The following SLC6A19 variants were observed in gnomAD, a reference collection of about 807,000 sequenced individuals.
The protein encoded by SLC6A19 is sodium-dependent neutral amino acid transporter B(0)AT1.
In SLC6A19, 67 loss-of-function variants were observed where a neutral mutation model predicts 68.3. The observed-to-expected ratio is 0.98, with a 90% CI of 0.81 to 1.20. The LOEUF is 1.20. Ranked by LOEUF, SLC6A19 falls within the 50% of genes most tolerant of loss-of-function variation. SLC6A19 has a pLI of 0.00. For synonymous variants in SLC6A19, 392 were observed against 374.9 expected (o/e 1.05, Z -0.53); for missense variants, 813 against 851.6 (o/e 0.95, Z 0.56).
rs543065653 is a variant in SLC6A19 at position 1,219,933 on chromosome 5, G to A, written c.1538+269G>A. Among the ~76,000 whole-genome samples, 539 of 152,296 alleles carry A rather than the reference G, an allele frequency of 3.5e-3. 1 individual carries two copies. The highest frequency in any genetic ancestry group is 0.012 in the African/African-American group (508 of 41,554). ...GACCTTGGCGGTGCCCACGCAGAGA[G>A]CCAGAGCTCGAGGCCACTGCAGGGC... On this transcript the variant is annotated intron_variant, in intron 10 of 11. Transcript: ENST00000304460.
At chr5:1,221,664 C>T (rs1717355454) in intron 11 of SLC6A19, 37 bp from the exon 12 acceptor site, 3 of 1,612,124 alleles carry the variant, frequency 1.9e-6, no homozygotes, top group Non-Finnish European at 2.5e-6. Context: ...CCACTGGCTC[C>T]CGGGATGCCT....
Position 1,216,773 on chromosome 5 carries a change from T to C in SLC6A19, c.1017-16T>C. 1 of 1,613,756 alleles carries C rather than the reference T, an allele frequency of 6.2e-7. No homozygotes were observed. The highest frequency in any genetic ancestry group is 8.5e-7 in the Non-Finnish European group (1 of 1,180,038). On this transcript the variant is annotated splice_polypyrimidine_tract_variant and intron_variant, in intron 7 of 11. Transcript: ENST00000304460. ...CCCTGGCCCCAGGTGGCCGTCAGCC[T>C]CAATCTGACCCGCAGGAACATCCTG...
At chr5:1,202,278 G>C (rs963207890) in intron 1 of SLC6A19, among the ~76,000 whole-genome samples, 1 of 152,220 alleles carries the variant, frequency 6.6e-6, no homozygotes, top group Non-Finnish European at 1.5e-5. Context: ...GGAGGTAGCT[G>C]GGTTGGGGGC....
chr5:1,217,394 C>T (rs1211207059), intron 8 of SLC6A19, among the ~76,000 whole-genome samples: 1 of 152,272 alleles, frequency 6.6e-6, no homozygotes. Flanking sequence ...GGATACTCCA[C>T]GTAACGAGTG....
chr5:1,210,167 G>T (rs1745981925), intron 2 of SLC6A19, among the ~76,000 whole-genome samples: 1 of 152,276 alleles, frequency 6.6e-6, no homozygotes, highest in East Asian at 1.9e-4. Flanking sequence ...CATGCCTGGG[G>T]CAAGCCAGGC....
rs934847303 is a variant in SLC6A19, at chr5:1,201,756, G to T, written c.106G>T (p.Asp36Tyr). 32 of 1,612,714 alleles carry T rather than the reference G, an allele frequency of 2.0e-5. No individual in the cohort carries two copies. Among genetic ancestry groups the T allele is most frequent in the Admixed American group, 3.3e-5 (2 of 60,000 alleles). The change falls in exon 1 of 12, where the codon GAC (aspartate) becomes TAC (tyrosine). Residue 36 changes from aspartate to tyrosine, a missense_variant. Physicochemically the swap from Asp to Tyr is radical, Grantham distance 160 (BLOSUM62 -3). Coordinates refer to ENST00000304460, the MANE Select transcript of SLC6A19 (RefSeq NM_001003841.3). Reference protein sequence around the residue: ...QEEASSRPKWDNKAQYMLTCL... With the variant: ...QEEASSRPKWYNKAQYMLTCL... Reference sequence around the variant, plus strand: ...GGAGGCCAGCTCCCGGCCGAAGTGGGACAACAAGGCGCAGTACATGCTCAC... The same window carrying T: ...GGAGGCCAGCTCCCGGCCGAAGTGGTACAACAAGGCGCAGTACATGCTCAC...
Position 1,216,817 on chromosome 5 carries a change from G to T in SLC6A19, c.1045G>T (p.Asp349Tyr). The part of the protein sequence containing the change: ...TNILTLINGF[D>Y]LPEGNVTQEN... ...CATCCTGACCCTCATCAACGGGTTC[G>T]ACCTGCCTGAAGGCAACGTGACCCA... is the stretch of plus-strand genomic sequence containing the variant. The change falls in exon 8 of 12, where the codon GAC (aspartate) becomes TAC (tyrosine). Residue 349 changes from aspartate (D) to tyrosine (Y), a missense_variant. By Grantham distance (160) the Asp-to-Tyr change is radical. Transcript: ENST00000304460. 6.2e-7 allele frequency: 1 copy of T among 1,613,768 alleles called. No homozygotes were observed. Among genetic ancestry groups the T allele is most frequent in the Non-Finnish European group, 8.5e-7 (1 of 1,180,026 alleles).
rs1283091578 is a variant in SLC6A19 at position 1,201,850 on chromosome 5, G to A, written c.200G>A (p.Gly67Glu). Residue 67 changes from glycine (G) to glutamate (E), a missense_variant and splice_region_variant, in exon 1 of 12, where the codon GGA becomes GAA. Gly to Glu is a moderately conservative substitution (Grantham distance 98, BLOSUM62 -2). Coordinates refer to ENST00000304460, the MANE Select transcript of SLC6A19 (RefSeq NM_001003841.3). ...CCCTACCTGTGTCAGAGCCACGGAGGAGGTAGGCTGGCCGGGCGGGGCTGC... is the reference window on the plus strand; with the variant it reads ...CCCTACCTGTGTCAGAGCCACGGAGAAGGTAGGCTGGCCGGGCGGGGCTGC... ...RFPYLCQSHG[G>E]GAFMIPFLIL... 1.9e-6 allele frequency: 3 copies of A among 1,609,668 alleles called. No homozygotes were observed. The highest frequency in any genetic ancestry group is 2.5e-6 in the Non-Finnish European group (3 of 1,179,404).
At position 1,210,425 on chromosome 5, in the gene SLC6A19, A is replaced by G; in HGVS notation, c.344-19A>G. 1 of 1,612,214 alleles carries G rather than the reference A, an allele frequency of 6.2e-7. No individual in the cohort carries two copies. The highest frequency in any genetic ancestry group is 8.5e-7 in the Non-Finnish European group (1 of 1,179,908). On this transcript the variant is annotated intron_variant, in intron 2 of 11. Transcript: ENST00000304460. The stretch of plus-strand genomic sequence containing the variant: ...AGGGTGTGCCTCGGCCCCAAGCCTC[A>G]GCAGCAGCCTCCCTGCAGGCCTGGC...
rs1319482740 is a variant in SLC6A19, at chr5:1,219,647, C to T, written c.1521C>T (p.Tyr507=). Residue 507 remains tyrosine (Y), a synonymous_variant, in exon 10 of 12, where the codon TAC becomes TAT. Coordinates refer to ENST00000304460, the MANE Select transcript of SLC6A19 (RefSeq NM_001003841.3). ...TCTGCGAGATGTTCTCTGTGGTCTA[C>T]GTGTACGGTGTGGACAGGTAGGGGC... ...IAFCEMFSVV[Y]VYGVDRFNKD... is the part of the protein sequence containing the mutation. 1.9e-5 allele frequency: 31 copies of T among 1,606,178 alleles called. No individual in the cohort carries two copies. The highest frequency in any genetic ancestry group is 3.3e-4 in the Middle Eastern group (2 of 6,082).
In SLC6A19 at chr5:1,224,767, A is replaced by C. The variant is rs1249052538; in HGVS notation, c.*2863A>C. 2 of 152,474 alleles carry C rather than the reference A, an allele frequency of 1.3e-5. No individual in the cohort carries two copies. Among genetic ancestry groups the C allele is most frequent in the African/African-American group, 4.8e-5 (2 of 41,480 alleles). The allele number at this position is 152,474 out of a possible 1,614,324, so 9.4% of individuals were successfully genotyped here. A position where few individuals can be genotyped will look rare whatever the true frequency, so the allele number is the denominator to read the frequency against. On this transcript the variant is annotated 3_prime_UTR_variant, in exon 12 of 12. Coordinates refer to ENST00000304460, the MANE Select transcript of SLC6A19 (RefSeq NM_001003841.3). ...GAGCATCTGCAAGGAGGAGCCCCAGAGTCCAGGGAGCACTGTGGGGAGCTC... is the reference window on the plus strand; with the variant it reads ...GAGCATCTGCAAGGAGGAGCCCCAGCGTCCAGGGAGCACTGTGGGGAGCTC...
chr5:1,209,673 C>G lies in SLC6A19; in HGVS notation c.344-771C>G, dbSNP rs904092627. On this transcript the variant is annotated intron_variant, in intron 2 of 11. Transcript: ENST00000304460. This position sits in a 1 kb window ranked among gnomAD's most constrained non-coding sequence, Gnocchi z 5.5. ...TCCCCTCCTATTCTCTCCCTTCCCC[C>G]CTCTCTCTCATCCTCCTCCTCTCTC... 6.7e-6 allele frequency among the ~76,000 whole-genome samples: 1 copy of G among 149,450 alleles called. No homozygotes were observed. Among genetic ancestry groups the G allele is most frequent in the Admixed American group, 6.7e-5 (1 of 14,990 alleles).
In SLC6A19 at chr5:1,215,570, G is replaced by A. The variant is rs79017643; in HGVS notation, c.888-988G>A. On this transcript the variant is annotated intron_variant, in intron 6 of 11. Transcript: ENST00000304460. This position sits in a 1 kb window ranked among gnomAD's most constrained non-coding sequence, Gnocchi z 5.1. ...CCTCAAGGCTCATCCCATCACAGCC[G>A]GCGTCAGAGCGCCATTCCTGTTTAG... is the stretch of plus-strand genomic sequence containing the variant. Among the ~76,000 whole-genome samples, 159 of 152,360 alleles carry A rather than the reference G, an allele frequency of 1.0e-3. 1 individual carries two copies. In the East Asian group the frequency reaches 0.02, roughly 19 times the overall value.
chr5:1,210,257 G>A (rs557805927), intron 2 of SLC6A19, among the ~76,000 whole-genome samples, 187 bp from the exon 3 acceptor site: 7 of 152,350 alleles, frequency 4.6e-5, no homozygotes, highest in Non-Finnish European at 7.4e-5. Context: ...CCTGGAAGGC[G>A]TGTACAGGCT....
chr5:1,216,502 T>C, intron 6 of SLC6A19, 56 bp from the exon 7 acceptor site: 2 of 1,612,630 alleles, frequency 1.2e-6, no homozygotes, highest in East Asian at 2.2e-5. Context: ...TGCCCTGGGC[T>C]GTGTCCTGAC....
At position 1,212,479 on chromosome 5, in the gene SLC6A19, G is replaced by C. The variant is rs753844063; in HGVS notation, c.658G>C (p.Gly220Arg). 1.9e-6 allele frequency: 3 copies of C among 1,607,042 alleles called. No individual in the cohort carries two copies. Among genetic ancestry groups the C allele is most frequent in the Non-Finnish European group, 2.5e-6 (3 of 1,179,844 alleles). ...MCTIRGIETT[G>R]KAVYITSTLP... ...CACCATCCGCGGCATCGAGACCACC[G>C]GGAAGGTACTGCATGGGCCCGGCCA... Residue 220 changes from glycine (G) to arginine (R), a missense_variant, in exon 4 of 12, where the codon GGG (glycine) becomes CGG (arginine). Coordinates refer to ENST00000304460, the MANE Select transcript of SLC6A19 (RefSeq NM_001003841.3). The surrounding 1 kb of genome is among the most constrained non-coding windows in gnomAD (Gnocchi z 5.1).
chr5:1,219,335 A>G (rs1746298303), intron 9 of SLC6A19, among the ~76,000 whole-genome samples, 170 bp from the exon 10 acceptor site: 1 of 147,656 alleles, frequency 6.8e-6, no homozygotes, highest in Non-Finnish European at 1.5e-5. Context: ...CCGTGCGTGC[A>G]GCCGCCGGGC....
Position 1,225,018 on chromosome 5 carries a change from A to G in SLC6A19, c.*3114A>G, listed in dbSNP as rs568541315. On this transcript the variant is annotated 3_prime_UTR_variant, in exon 12 of 12. Transcript: ENST00000304460. ...GGAATCCGGGCTTCGGGTGCATGCG[A>G]TCTGATCTGAGTTGTTTCTGACAGT... is the stretch of plus-strand genomic sequence containing the variant. The G allele has an allele frequency of 1.5e-4, 24 of 157,128 alleles. No individual in the cohort carries two copies. The South Asian group carries it at 4.5e-3, about 30-fold the overall frequency. 9.7% of individuals were successfully genotyped at this position (157,128 alleles called of 1,614,324 possible). A position where few individuals can be genotyped will look rare whatever the true frequency, so the allele number is the denominator to read the frequency against.
At position 1,222,316 on chromosome 5, in the gene SLC6A19, G is replaced by A; in HGVS notation, c.*412G>A. On this transcript the variant is annotated 3_prime_UTR_variant, in exon 12 of 12. Transcript: ENST00000304460. ...GACATACATGCCTATGTTGTGTGTG[G>A]TGTGCATATGTGTGAACACACACGT... The A allele has an allele frequency of 3.8e-6, 2 of 524,098 alleles. No individual in the cohort carries two copies. Among genetic ancestry groups the A allele is most frequent in the African/African-American group, 1.9e-5 (1 of 53,162 alleles). The allele number at this position is 524,098 out of a possible 1,614,324, so 32.5% of individuals were successfully genotyped here.
Sources: gnomAD v4.1 joint callset for allele counts (sites outside exome capture counted in the v4.1 genomes callset) on GRCh38, gnomAD v4.1.1 for gene constraint, Gnocchi (gnomAD v3.1) non-coding constraint, MANE v1.5 for transcripts, NCBI Gene and HGNC (gene_info 2026-07-23, HGNC 2026-07-21) for gene names.